The following PPP1R12B variants were observed in gnomAD, a reference collection of about 807,000 sequenced individuals.
The protein encoded by PPP1R12B is myosin phosphatase target subunit 2.
PPP1R12B carries 76 observed loss-of-function variants against 126.1 expected under a neutral mutation model. The observed-to-expected ratio is 0.60, with a 90% CI of 0.50 to 0.73. The LOEUF (loss-of-function observed/expected upper bound fraction) is 0.73. Ranked by LOEUF, PPP1R12B falls within the 30% of genes least tolerant of loss-of-function variation. The pLI is 0.00. For missense variants in PPP1R12B, 1,052 were observed against 1,205.1 expected (o/e 0.87, Z 1.88); for synonymous variants, 356 against 434.7 (o/e 0.82, Z 2.25).
intron 12 of PPP1R12B, among the ~76,000 whole-genome samples, chr1:202,446,230 C>CTA (rs1461199581): frequency 1.3e-5 from 1 of 74,638 alleles, no homozygotes; most frequent in Non-Finnish European, 2.7e-5. Context: ...CTCTCTCTCT[C>CTA]TCTCTCTATA....
intron 13 of PPP1R12B, among the ~76,000 whole-genome samples, chr1:202,456,018 C>T (rs1673583202): frequency 6.6e-6 from 1 of 152,022 alleles, no homozygotes; most frequent in South Asian, 2.1e-4. Context: ...TCTGTAATCC[C>T]AGCACTTTGG....
At chr1:202,424,172 G>A (rs536710710) in intron 3 of PPP1R12B, among the ~76,000 whole-genome samples, 1 of 152,146 alleles carries the variant, frequency 6.6e-6, no homozygotes, top group Non-Finnish European at 1.5e-5. Context: ...AACATACTCT[G>A]TTGAAAGGGG....
Position 202,491,841 on chromosome 1 carries a change from C to T in PPP1R12B, c.1942-1273C>T, listed in dbSNP as rs190389983. On this transcript the variant is annotated intron_variant, in intron 14 of 23. Transcript: ENST00000608999. ...GATTCTCAGTAGTCTTCATGAGATTCTCAAAGGGACCACCGACTCCCAAAG... is the reference window on the plus strand; with the variant it reads ...GATTCTCAGTAGTCTTCATGAGATTTTCAAAGGGACCACCGACTCCCAAAG... Among the ~76,000 whole-genome samples the T allele has an allele frequency of 6.6e-5, 10 of 152,266 alleles. No individual in the cohort carries two copies. The Middle Eastern group carries it at 0.01, about 155-fold the overall frequency.
intron 4 of PPP1R12B, among the ~76,000 whole-genome samples, chr1:202,426,312 T>C (rs572473446): frequency 6.6e-6 from 1 of 152,308 alleles, no homozygotes; most frequent in South Asian, 2.1e-4. Context: ...ACTCTTCCAG[T>C]ATTTCATATT....
At chr1:202,549,673 C>G (rs1369025070) in intron 18 of PPP1R12B, among the ~76,000 whole-genome samples, 1 of 152,112 alleles carries the variant, frequency 6.6e-6, no homozygotes, top group Non-Finnish European at 1.5e-5. Flanking sequence ...CCGCCTCGGC[C>G]TCCCAAAGTG....
chr1:202,391,645 T>TGTGTCCA (rs1272454538), intron 1 of PPP1R12B, among the ~76,000 whole-genome samples: 2 of 110,574 alleles, frequency 1.8e-5, no homozygotes, highest in Non-Finnish European at 3.8e-5. Flanking sequence ...GATAAATGAA[T>TGTGTCCA]TATCTTCAGG....
intron 18 of PPP1R12B, among the ~76,000 whole-genome samples, chr1:202,516,200 C>T (rs1284759315): frequency 3.9e-5 from 6 of 152,042 alleles, no homozygotes; most frequent in Non-Finnish European, 8.8e-5. Flanking sequence ...ATAATGATAA[C>T]AATAGTGGTA....
At position 202,428,824 on chromosome 1, in the gene PPP1R12B, T is replaced by A. The variant is rs1160713371; in HGVS notation, c.847-31T>A. 4 of 1,583,522 alleles carry A rather than the reference T, an allele frequency of 2.5e-6. No individual in the cohort carries two copies. In the African/African-American group the frequency reaches 5.4e-5, roughly 21 times the overall value. ...TCACGTAATTGCTGCTTCTGTTTTC[T>A]ATCAGTCATGGTGCTCCTTTTCTCT... On this transcript the variant is annotated intron_variant, in intron 5 of 23. Coordinates refer to ENST00000608999, the MANE Select transcript of PPP1R12B (RefSeq NM_002481.4).
At chr1:202,544,410 T>G (rs1456811369) in intron 18 of PPP1R12B, among the ~76,000 whole-genome samples, 1 of 152,198 alleles carries the variant, frequency 6.6e-6, no homozygotes, top group Non-Finnish European at 1.5e-5. Context: ...AGGTAATCTT[T>G]GGTCAGTATT....
chr1:202,546,799 T>C (rs1204095223), intron 18 of PPP1R12B, among the ~76,000 whole-genome samples: 1 of 152,182 alleles, frequency 6.6e-6, no homozygotes, highest in African/African-American at 2.4e-5. Context: ...ATATTTATGA[T>C]TGAAGCCATA....
chr1:202,428,193 C>CA (rs1170266363), intron 5 of PPP1R12B, among the ~76,000 whole-genome samples: 3 of 151,894 alleles, frequency 2.0e-5, no homozygotes, highest in Non-Finnish European at 4.4e-5. Context: ...GAATTAAAGG[C>CA]AAAAAGTGAA....
chr1:202,445,900 C>T (rs963931840), intron 12 of PPP1R12B, among the ~76,000 whole-genome samples: 3 of 151,658 alleles, frequency 2.0e-5, no homozygotes, highest in African/African-American at 7.3e-5. Flanking sequence ...CAAAGGGTCT[C>T]TTTTTTTTGG....
chr1:202,550,826 T>A (rs976474649), intron 18 of PPP1R12B, among the ~76,000 whole-genome samples: 8 of 152,248 alleles, frequency 5.3e-5, no homozygotes, highest in Admixed American at 1.3e-4. Flanking sequence ...CACAAGAGTT[T>A]ATGAATTATA....
chr1:202,386,089 A>C (rs1166821338), intron 1 of PPP1R12B, among the ~76,000 whole-genome samples: 1 of 149,656 alleles, frequency 6.7e-6, no homozygotes, highest in South Asian at 2.1e-4. Context: ...GCCCGCCACC[A>C]TGCCCGGCTA....
rs145838755 is a variant in PPP1R12B, at chr1:202,495,645, G to A, written c.2411G>A (p.Arg804Gln). The A allele has an allele frequency of 7.5e-3, 12,136 of 1,614,098 alleles. 57 individuals carry two copies. Among genetic ancestry groups the A allele is most frequent in the Non-Finnish European group, 9.4e-3 (11,087 of 1,180,002 alleles). The change falls in exon 17 of 24, where the codon CGA becomes CAA. Residue 804 changes from arginine to glutamine, a missense_variant. Arg to Gln is a conservative substitution (Grantham distance 43). Transcript: ENST00000608999. ...SIRERRRPKERRRGTGINFWT... is the reference protein window; with the variant it reads ...SIRERRRPKEQRRGTGINFWT... ...CGAGAGAGGAGGCGGCCCAAGGAAC[G>A]ACGAAGAGGCACAGGCATCAATTTC...
chr1:202,588,176 G>A lies in PPP1R12B; in HGVS notation c.*7616G>A, dbSNP rs962558206. ...CAGGGGTGAAAAGAACCACCCTGAG[G>A]TTTCCATGCCTCTCCCATTTTAGTG... On this transcript the variant is annotated 3_prime_UTR_variant, in exon 24 of 24. Coordinates refer to ENST00000608999, the MANE Select transcript of PPP1R12B (RefSeq NM_002481.4). The A allele has an allele frequency of 3.9e-5, 6 of 152,616 alleles. No homozygotes were observed. Among genetic ancestry groups the A allele is most frequent in the African/African-American group, 1.4e-4 (6 of 41,448 alleles). The allele number at this position is 152,616 out of a possible 1,614,324, so 9.5% of individuals were successfully genotyped here.
intron 18 of PPP1R12B, among the ~76,000 whole-genome samples, chr1:202,523,539 G>A (rs570995252): frequency 1.2e-4 from 18 of 152,300 alleles, no homozygotes; most frequent in African/African-American, 3.8e-4. Context: ...TGGTGGGAAA[G>A]TACTGACACA....
At chr1:202,368,253 G>C (rs1341797514) in intron 1 of PPP1R12B, among the ~76,000 whole-genome samples, 1 of 152,114 alleles carries the variant, frequency 6.6e-6, no homozygotes, top group Non-Finnish European at 1.5e-5. Context: ...TTACAGGTGT[G>C]AGCCACTGCG....
intron 1 of PPP1R12B, among the ~76,000 whole-genome samples, chr1:202,361,149 T>C (rs1276634870): frequency 1.3e-5 from 2 of 152,212 alleles, no homozygotes; most frequent in Non-Finnish European, 2.9e-5. Context: ...CGCCTCGGCC[T>C]CCCAAAGTGT....
Sources: gnomAD v4.1 joint callset for allele counts (sites outside exome capture counted in the v4.1 genomes callset) on GRCh38, gnomAD v4.1.1 for gene constraint, MANE v1.5 for transcripts, NCBI Gene and HGNC (gene_info 2026-07-23, HGNC 2026-07-21) for gene names.